TMX4: variants seen among roughly 807,000 people sequenced by gnomAD.
TMX4 encodes thioredoxin related transmembrane protein 4.
Under a neutral mutation model 33.3 loss-of-function variants are expected in TMX4, and 23 were observed. The ratio of observed to expected loss-of-function variants is 0.69; its 90% CI spans 0.50 to 0.98. The LOEUF (loss-of-function observed/expected upper bound fraction) is 0.98, where lower values mean the gene tolerates loss of function less well. Among genes scored for constraint, TMX4 ranks in the 50% least tolerant of loss-of-function variants. The pLI is 0.00. For missense variants in TMX4, 399 were observed against 448.9 expected (o/e 0.89, Z 1.01); for synonymous variants, 164 against 161.5 (o/e 1.02, Z -0.12).
chr20:8,007,457 C>A (rs905619336), intron 2 of TMX4, among the ~76,000 whole-genome samples: 4 of 152,198 alleles, frequency 2.6e-5, no homozygotes, highest in African/African-American at 9.7e-5. Context: ...TCAATTTTTT[C>A]ACATAGCTGC....
At chr20:7,992,584 T>TGA (rs2050659796) in intron 5 of TMX4, among the ~76,000 whole-genome samples, 1 of 152,074 alleles carries the variant, frequency 6.6e-6, no homozygotes, top group South Asian at 2.1e-4. Flanking sequence ...AGCAAGAACA[T>TGA]AGGGGAGGTT....
rs1008293766 is a variant in TMX4, at chr20:8,019,630, G to A, written c.-17C>T. On this transcript the variant is annotated 5_prime_UTR_variant, in exon 1 of 8. Transcript: ENST00000246024. ...ACCCGCCATGTTGGGCGCCGAGCGA[G>A]GCTTCTCGGCGGGGAGTGTGGGGAA... is the stretch of plus-strand genomic sequence containing the variant. The A allele has an allele frequency of 6.0e-6, 8 of 1,331,496 alleles. No homozygotes were observed. The African/African-American group carries it at 1.2e-4, about 21-fold the overall frequency. The allele number at this position is 1,331,496 out of a possible 1,614,324, so 82.5% of individuals were successfully genotyped here.
At chr20:8,011,428 T>C (rs1348668859) in intron 1 of TMX4, among the ~76,000 whole-genome samples, 1 of 151,244 alleles carries the variant, frequency 6.6e-6, no homozygotes, top group Non-Finnish European at 1.5e-5. Context: ...CATTTACAAA[T>C]CCCTTCAAAA....
intron 5 of TMX4, among the ~76,000 whole-genome samples, chr20:7,995,255 C>T (rs920635445): frequency 3.3e-5 from 5 of 152,130 alleles, no homozygotes; most frequent in South Asian, 2.1e-4. Context: ...TAGGGAGACT[C>T]GCTTCTAAGA....
chr20:7,991,846 A>AT (rs1361736847), intron 5 of TMX4, among the ~76,000 whole-genome samples: 2 of 151,762 alleles, frequency 1.3e-5, no homozygotes, highest in African/African-American at 4.9e-5. Flanking sequence ...AAAAAAAAAA[A>AT]TAGGATTCAG....
Position 7,996,083 on chromosome 20 carries a change from A to G in TMX4, c.468-12T>C. On this transcript the variant is annotated splice_polypyrimidine_tract_variant and intron_variant, in intron 4 of 7. Coordinates refer to ENST00000246024, the MANE Select transcript of TMX4 (RefSeq NM_021156.4). ...CCATTCCAGACATCCTTAAAAAAAA[A>G]TAAAGAGAAGAAACAGTGATCATAT... 1.2e-6 allele frequency: 2 copies of G among 1,608,052 alleles called. No individual in the cohort carries two copies. Among genetic ancestry groups the G allele is most frequent in the African/African-American group, 1.3e-5 (1 of 74,674 alleles).
rs2050592930 is a variant in TMX4 at position 7,978,881 on chromosome 20, G to C, written c.*3370C>G. On this transcript the variant is annotated 3_prime_UTR_variant, in exon 8 of 8. Transcript: ENST00000246024. ...AAATAATAAGAGAAACCAACATAAA[G>C]GTAATCAGAAGTTTCAAACTTTCCT... The C allele has an allele frequency of 6.6e-6, 1 of 152,150 alleles. No individual in the cohort carries two copies. Among genetic ancestry groups the C allele is most frequent in the Admixed American group, 6.5e-5 (1 of 15,274 alleles). The allele number at this position is 152,150 out of a possible 1,614,324, so 9.4% of individuals were successfully genotyped here.
At chr20:7,991,326 C>T (rs542564426) in intron 5 of TMX4, among the ~76,000 whole-genome samples, 34 of 152,306 alleles carry the variant, frequency 2.2e-4, no homozygotes, top group Middle Eastern at 6.8e-3. Flanking sequence ...ATAAAAAATG[C>T]TTTAAATACA....
rs2122877845 is a variant in TMX4, at chr20:8,010,196, G to C, written c.292+4C>G. On this transcript the variant is annotated splice_donor_region_variant and intron_variant, in intron 2 of 7. Transcript: ENST00000246024. The stretch of plus-strand genomic sequence containing the variant: ...TTGCATTTTATGTGCAACATTCACA[G>C]TACCTGGTTCTTGAATGACATCTAC... 6.3e-7 allele frequency: 1 copy of C among 1,597,336 alleles called. No individual in the cohort carries two copies. The highest frequency in any genetic ancestry group is 2.3e-5 in the East Asian group (1 of 44,326).
In TMX4 at chr20:7,980,589, C is replaced by T. The variant is rs1019291334; in HGVS notation, c.*1662G>A. The T allele has an allele frequency of 6.6e-6, 1 of 152,202 alleles. No homozygotes were observed. Among genetic ancestry groups the T allele is most frequent in the Non-Finnish European group, 1.5e-5 (1 of 68,092 alleles). 9.4% of individuals were successfully genotyped at this position (152,202 alleles called of 1,614,324 possible). A position where few individuals can be genotyped will look rare whatever the true frequency, so the allele number is the denominator to read the frequency against. Reference sequence around the variant, plus strand: ...CAGCCCATCAGCCCAGTGATGGCCTCGATTTTGAAGCTGCACTACTGTCTG... The same window carrying T: ...CAGCCCATCAGCCCAGTGATGGCCTTGATTTTGAAGCTGCACTACTGTCTG... On this transcript the variant is annotated 3_prime_UTR_variant, in exon 8 of 8. Transcript: ENST00000246024.
rs1232310236 is a variant in TMX4 at position 7,995,149 on chromosome 20, T to TATGA, written c.513+873_513+876dup. 1.6e-4 allele frequency among the ~76,000 whole-genome samples: 24 copies of TATGA among 152,284 alleles called. No individual in the cohort carries two copies. In the South Asian group the frequency reaches 4.3e-3, roughly 28 times the overall value. ...ATGTCTTTCAACATATATGAATGTGTATGAGAAACAGAAAAAGAGTCTTCA... is the reference window on the plus strand; with the variant it reads ...ATGTCTTTCAACATATATGAATGTGTATGAATGAGAAACAGAAAAAGAGTCTTCA... On this transcript the variant is annotated intron_variant, in intron 5 of 7. Transcript: ENST00000246024.
Position 8,019,588 on chromosome 20 carries a change from T to G in TMX4, c.26A>C (p.Gln9Pro), listed in dbSNP as rs906241984. 2.2e-6 allele frequency: 3 copies of G among 1,366,068 alleles called. No individual in the cohort carries two copies. Among genetic ancestry groups the G allele is most frequent in the Admixed American group, 4.1e-5 (1 of 24,636 alleles). 84.6% of individuals were successfully genotyped at this position (1,366,068 alleles called of 1,614,324 possible). A position where few individuals can be genotyped will look rare whatever the true frequency, so the allele number is the denominator to read the frequency against. The change falls in exon 1 of 8, where the codon CAG (glutamine) becomes CCG (proline). Residue 9 changes from glutamine to proline, a missense_variant. Coordinates refer to ENST00000246024, the MANE Select transcript of TMX4 (RefSeq NM_021156.4). ...CCAGGCGGCCAGGAGCGCCGTTAGC[T>G]GCGGGCCGCAGCGCCCACCCGCCAT... Reference protein sequence around the residue: MAGGRCGPQLTALLAAWIA... With the variant: MAGGRCGPPLTALLAAWIA...
chr20:7,983,971 T>C (rs952883707), intron 6 of TMX4, 114 bp from the exon 7 acceptor site: 2 of 671,572 alleles, frequency 3.0e-6, no homozygotes, highest in African/African-American at 3.7e-5. Flanking sequence ...AATTAGCAGC[T>C]AGTCAAAAGT....
chr20:8,002,035 AT>A (rs1343344206), intron 2 of TMX4, among the ~76,000 whole-genome samples: 1 of 152,196 alleles, frequency 6.6e-6, no homozygotes, highest in Non-Finnish European at 1.5e-5. Context: ...AGAATAAGTA[AT>A]ATGAAATGAT....
chr20:8,016,261 A>G (rs1487637692), intron 1 of TMX4, among the ~76,000 whole-genome samples: 1 of 152,190 alleles, frequency 6.6e-6, no homozygotes, highest in Non-Finnish European at 1.5e-5. Context: ...ATTCCCAGCT[A>G]CTTGGGAGGC....
At chr20:7,982,996 G>A (rs1013772690) in intron 7 of TMX4, among the ~76,000 whole-genome samples, 1 of 152,166 alleles carries the variant, frequency 6.6e-6, no homozygotes, top group Non-Finnish European at 1.5e-5. Context: ...CCAGAGTCAG[G>A]AGAAACAGCC....
intron 5 of TMX4, among the ~76,000 whole-genome samples, chr20:7,991,019 C>A (rs1442858591): frequency 6.6e-6 from 1 of 152,176 alleles, no homozygotes; most frequent in Non-Finnish European, 1.5e-5. Context: ...CTATGTAAAT[C>A]ACAGAAGAAT....
chr20:8,005,983 C>G (rs897822644), intron 2 of TMX4, among the ~76,000 whole-genome samples: 16 of 150,570 alleles, frequency 1.1e-4, no homozygotes, highest in African/African-American at 3.9e-4. Context: ...AGGCAAGAAG[C>G]CCTCTGTCCC....
At chr20:7,998,321 T>C (rs2050685862) in intron 4 of TMX4, among the ~76,000 whole-genome samples, 1 of 152,228 alleles carries the variant, frequency 6.6e-6, no homozygotes, top group Non-Finnish European at 1.5e-5. Context: ...ATCCATCATG[T>C]ACTCAAACCA....
Sources: gnomAD v4.1 joint callset for allele counts (sites outside exome capture counted in the v4.1 genomes callset) on GRCh38, gnomAD v4.1.1 for gene constraint, MANE v1.5 for transcripts, NCBI Gene and HGNC (gene_info 2026-07-23, HGNC 2026-07-21) for gene names.